The following REDIC1 variants were observed in gnomAD, a reference collection of about 807,000 sequenced individuals.
REDIC1 encodes the protein regulator of DNA class I crossover intermediates 1, also known as HEI10 Interacting Protein 1.
chr12:39,684,976 C>A, the REDIC1 span: 2 of 1,298,862 alleles, frequency 1.5e-6, no homozygotes, highest in African/African-American at 1.5e-5. Context: ...GTTTGTATTA[C>A]CATATCACAT....
chr12:39,828,162 G>T, the REDIC1 span, among the ~76,000 whole-genome samples: 754 of 152,172 alleles, frequency 5.0e-3, 8 homozygotes, highest in African/African-American at 0.017. Flanking sequence ...CTGCCTTTTT[G>T]CTCTTTTCTA....
chr12:39,907,542 C>G, the REDIC1 span: 3 of 152,112 alleles, frequency 2.0e-5, no homozygotes, highest in African/African-American at 4.8e-5. Flanking sequence ...AATATAGAAT[C>G]TGCCCATAAT....
the REDIC1 span, among the ~76,000 whole-genome samples, chr12:39,810,185 T>G: frequency 6.6e-6 from 1 of 152,194 alleles, no homozygotes; most frequent in Admixed American, 6.5e-5. Context: ...ACGAGTGTGA[T>G]CTACTTAGTT....
chr12:39,907,286 G>C, the REDIC1 span, among the ~76,000 whole-genome samples: 1 of 152,020 alleles, frequency 6.6e-6, no homozygotes, highest in East Asian at 1.9e-4. Flanking sequence ...TGATGAAAGA[G>C]AACATATATG....
the REDIC1 span, among the ~76,000 whole-genome samples, chr12:39,732,335 G>A: frequency 6.6e-6 from 1 of 152,058 alleles, no homozygotes; most frequent in Non-Finnish European, 1.5e-5. Context: ...CCTACAAATT[G>A]GCAGCTGTAT....
chr12:39,720,663 A>G, the REDIC1 span: 1 of 790,814 alleles, frequency 1.3e-6, no homozygotes, highest in South Asian at 1.7e-5. Flanking sequence ...GTAACTTGCC[A>G]AACTCTCTTC....
the REDIC1 span, among the ~76,000 whole-genome samples, chr12:39,882,915 A>G: frequency 2.0e-5 from 3 of 152,208 alleles, no homozygotes; most frequent in Non-Finnish European, 4.4e-5. Flanking sequence ...TCATATTTCT[A>G]TAAACTCCCA....
the REDIC1 span, among the ~76,000 whole-genome samples, chr12:39,869,283 G>A: frequency 6.6e-6 from 1 of 152,110 alleles, no homozygotes; most frequent in Non-Finnish European, 1.5e-5. Flanking sequence ...TATTCTGAAG[G>A]TGTAAAGGTC....
At chr12:39,694,411 G>A in the REDIC1 span, among the ~76,000 whole-genome samples, 8 of 139,920 alleles carry the variant, frequency 5.7e-5, no homozygotes, top group Admixed American at 3.0e-4. Flanking sequence ...GACATGGTGC[G>A]GAGAGTGATT....
chr12:39,696,392 A>G, the REDIC1 span, among the ~76,000 whole-genome samples: 1 of 150,228 alleles, frequency 6.7e-6, no homozygotes, highest in Non-Finnish European at 1.5e-5. Flanking sequence ...AAATACAAAA[A>G]ATTAGCCGGG....
chr12:39,870,372 T>C, the REDIC1 span, among the ~76,000 whole-genome samples: 1 of 152,218 alleles, frequency 6.6e-6, no homozygotes, highest in African/African-American at 2.4e-5. Flanking sequence ...AACACATCAC[T>C]GCCTGATAGT....
the REDIC1 span, among the ~76,000 whole-genome samples, chr12:39,843,710 A>G: frequency 3.3e-5 from 5 of 152,060 alleles, no homozygotes; most frequent in African/African-American, 1.2e-4. Context: ...TTGAAGTGAG[A>G]GGTGGCATCC....
the REDIC1 span, among the ~76,000 whole-genome samples, chr12:39,790,151 G>T: frequency 1.6e-4 from 24 of 146,694 alleles, no homozygotes; most frequent in Middle Eastern, 3.6e-3. Flanking sequence ...ACAGACTAAG[G>T]TTAATTTATC....
chr12:39,718,898 G>A, the REDIC1 span, among the ~76,000 whole-genome samples: 1 of 152,036 alleles, frequency 6.6e-6, no homozygotes, highest in Non-Finnish European at 1.5e-5. Context: ...AGATCCTTCA[G>A]CTTCCTTTTG....
the REDIC1 span, among the ~76,000 whole-genome samples, chr12:39,801,346 A>T: frequency 2.0e-5 from 2 of 100,470 alleles, no homozygotes; most frequent in East Asian, 4.1e-4. Flanking sequence ...AATTAAAAAA[A>T]AAAAAAAAAA....
chr12:39,834,032 G>T, the REDIC1 span, among the ~76,000 whole-genome samples: 2 of 152,008 alleles, frequency 1.3e-5, no homozygotes, highest in South Asian at 2.1e-4. Flanking sequence ...TTCTTCCCAG[G>T]TTATTACTAT....
the REDIC1 span, among the ~76,000 whole-genome samples, chr12:39,753,184 T>C: frequency 6.6e-6 from 1 of 152,128 alleles, no homozygotes; most frequent in Non-Finnish European, 1.5e-5. Flanking sequence ...TTTTTGGAGG[T>C]GCAGTGGAAA....
At chr12:39,835,344 G>A in the REDIC1 span, among the ~76,000 whole-genome samples, 11 of 152,092 alleles carry the variant, frequency 7.2e-5, no homozygotes, top group African/African-American at 2.7e-4. Context: ...CCTTAACAGT[G>A]TAAAAACCTA....
At chr12:39,682,819 T>C in the REDIC1 span, 1 of 1,612,170 alleles carries the variant, frequency 6.2e-7, no homozygotes, top group Non-Finnish European at 8.5e-7. Context: ...TTGTGACTCT[T>C]TTGTTAGTCA....
Sources: allele counts gnomAD v4.1 joint callset (sites outside exome capture counted in the v4.1 genomes callset), GRCh38; gene constraint gnomAD v4.1.1; transcripts MANE v1.5; gene names NCBI Gene and HGNC (gene_info 2026-07-23, HGNC 2026-07-21).